The following SPTB variants were observed in gnomAD, a reference collection of about 807,000 sequenced individuals.
The protein encoded by SPTB is spectrin beta chain, erythrocytic.
In SPTB, 45 loss-of-function variants were observed where a neutral mutation model predicts 256.2. The observed-to-expected ratio is 0.18, with a 90% CI of 0.14 to 0.23. The LOEUF (loss-of-function observed/expected upper bound fraction) is 0.23, where lower values mean the gene tolerates loss of function less well. Ranked by LOEUF, SPTB falls within the 10% of genes least tolerant of loss-of-function variation. SPTB has a pLI of 1.00. For synonymous variants in SPTB, 1,231 were observed against 1,243.1 expected, an observed-to-expected ratio of 0.99 and a Z score of 0.21; for missense variants, 2,715 against 3,040.4, an observed-to-expected ratio of 0.89 and a Z score of 2.52.
In SPTB at chr14:64,753,644, C is replaced by T; in HGVS notation, c.6495G>A (p.Glu2165=). 2.5e-6 allele frequency: 4 copies of T among 1,613,706 alleles called. No individual in the cohort carries two copies. The highest frequency in any genetic ancestry group is 3.4e-6 in the Non-Finnish European group (4 of 1,180,038). ...CCCGCGGGGCCGGCAGCGTTGCGGG[C>T]TCATCACCCTCGCTCAGAGGCGTAT... ...VLDTPLSEGD[E]PATLPAPRDH... The change falls in exon 33 of 36, where the codon GAG becomes GAA. Residue 2165 remains glutamate (E), a synonymous_variant. Coordinates refer to ENST00000644917, the MANE Select transcript of SPTB (RefSeq NM_001355436.2).
intron 1 of SPTB, among the ~76,000 whole-genome samples, chr14:64,850,450 T>C (rs1257695177): frequency 7.2e-5 from 11 of 152,184 alleles, no homozygotes; most frequent in Non-Finnish European, 1.6e-4. Flanking sequence ...TGATAGTTCC[T>C]CCCATTACAT....
intron 1 of SPTB, among the ~76,000 whole-genome samples, chr14:64,834,987 T>C (rs1355182378): frequency 1.3e-5 from 2 of 152,216 alleles, no homozygotes; most frequent in Admixed American, 6.5e-5. Flanking sequence ...CTATAAATAA[T>C]ATATAAGTTA....
intron 1 of SPTB, among the ~76,000 whole-genome samples, chr14:64,830,876 C>T (rs1483206416): frequency 1.3e-5 from 2 of 152,190 alleles, no homozygotes; most frequent in South Asian, 2.1e-4. Flanking sequence ...GTGTCATGTG[C>T]CTTGACAACT....
In SPTB at chr14:64,782,405, C is replaced by T. The variant is rs757113392; in HGVS notation, c.4151G>A (p.Arg1384His). 1.5e-5 allele frequency: 25 copies of T among 1,614,148 alleles called. No individual in the cohort carries two copies. Among genetic ancestry groups the T allele is most frequent in the East Asian group, 6.7e-5 (3 of 44,886 alleles). ...GTTGAGGTCAGCATGGGTCTGCAAG[C>T]GCAGGTCGGAGCTCCTGGCAGCCGA... ...HLSAARSSDL[R>H]LQTHADLNKW... The change falls in exon 20 of 36, where the codon CGC becomes CAC. Residue 1384 changes from arginine (R) to histidine (H), a missense_variant. By Grantham distance (29) the Arg-to-His change is conservative. Coordinates refer to ENST00000644917, the MANE Select transcript of SPTB (RefSeq NM_001355436.2).
At position 64,753,554 on chromosome 14, in the gene SPTB, G is replaced by T. The variant is rs558224489; in HGVS notation, c.6585C>A (p.Asn2195Lys). Residue 2195 changes from asparagine to lysine, a missense_variant, in exon 33 of 36, where the codon AAC (asparagine) becomes AAA (lysine). Physicochemically the swap from Asn to Lys is moderately conservative, Grantham distance 94 (BLOSUM62 0). Around this residue, in one of 4 missense-constraint regions of SPTB, gnomAD observed 2,239 missense variants for 2,384.4 expected, o/e 0.94. Coordinates refer to ENST00000644917, the MANE Select transcript of SPTB (RefSeq NM_001355436.2). The part of the protein sequence containing the change: ...LGRKHDLEGP[N>K]KKASNRSWNN... Reference sequence around the variant, plus strand: ...GCACTCACCTGTTGGAAGCCTTCTTGTTGGGCCCCTCCAGGTCATGCTTGC... The same window carrying T: ...GCACTCACCTGTTGGAAGCCTTCTTTTTGGGCCCCTCCAGGTCATGCTTGC... 2 of 1,613,528 alleles carry T rather than the reference G, an allele frequency of 1.2e-6. No homozygotes were observed. Among genetic ancestry groups the T allele is most frequent in the East Asian group, 2.2e-5 (1 of 44,872 alleles).
intron 20 of SPTB, among the ~76,000 whole-genome samples, chr14:64,780,391 T>C (rs1224020871): frequency 2.0e-5 from 3 of 152,230 alleles, no homozygotes; most frequent in Non-Finnish European, 2.9e-5. Flanking sequence ...CTAATGACAT[T>C]CTTCAAAGAA....
intron 20 of SPTB, 84 bp from the exon 21 acceptor site, chr14:64,780,015 A>G: frequency 8.1e-7 from 1 of 1,229,712 alleles, no homozygotes; most frequent in South Asian, 1.2e-5. Context: ...CATCCCACCC[A>G]TCCTTTAAGG....
At chr14:64,857,569 C>A (rs979486876) in intron 1 of SPTB, among the ~76,000 whole-genome samples, 4 of 85,020 alleles carry the variant, frequency 4.7e-5, no homozygotes, top group African/African-American at 2.0e-4. Context: ...CAGAGCAAGA[C>A]ACTGCCTCAA....
Position 64,844,883 on chromosome 14 carries a change from T to C in SPTB, c.-51-21738A>G, listed in dbSNP as rs1408723733. Among the ~76,000 whole-genome samples the C allele has an allele frequency of 6.6e-6, 1 of 152,220 alleles. No homozygotes were observed. Among genetic ancestry groups the C allele is most frequent in the Non-Finnish European group, 1.5e-5 (1 of 68,034 alleles). On this transcript the variant is annotated intron_variant, in intron 1 of 35. Transcript: ENST00000644917. The surrounding 1 kb of genome is among the most constrained non-coding windows in gnomAD (Gnocchi z 4.1). ...TCCCATTCCCTTTGTGATCGCAGCA[T>C]GCAACTTTGGAGATGGAGAAGAAGA...
rs2082901524 is a variant in SPTB at position 64,802,287 on chromosome 14, C to T, written c.505G>A (p.Gly169Ser). The change falls in exon 5 of 36, where the codon GGT (glycine) becomes AGT (serine). Residue 169 changes from glycine to serine, a missense_variant. Gly to Ser is a moderately conservative substitution (Grantham distance 56). Coordinates refer to ENST00000644917, the MANE Select transcript of SPTB (RefSeq NM_001355436.2). This position sits in a 1 kb window ranked among gnomAD's most constrained non-coding sequence, Gnocchi z 5.1. ...TCCTTGGCTGAGCGTGTTTCACGACCTTCCTGAGTTTGGACCACAATGTCC... is the reference window on the plus strand; with the variant it reads ...TCCTTGGCTGAGCGTGTTTCACGACTTTCCTGAGTTTGGACCACAATGTCC... ...IQDIVVQTQE[G>S]RETRSAKDAL... 6.2e-7 allele frequency: 1 copy of T among 1,614,242 alleles called. No individual in the cohort carries two copies. Among genetic ancestry groups the T allele is most frequent in the Non-Finnish European group, 8.5e-7 (1 of 1,180,048 alleles).
intron 2 of SPTB, among the ~76,000 whole-genome samples, chr14:64,814,890 GT>G (rs533987806): frequency 2.6e-5 from 4 of 151,852 alleles, no homozygotes; most frequent in Non-Finnish European, 5.9e-5. Context: ...AAATCAAAAA[GT>G]TTTTTTTTAT....
At position 64,772,492 on chromosome 14, in the gene SPTB, G is replaced by A; in HGVS notation, c.5553+88C>T. On this transcript the variant is annotated intron_variant, in intron 26 of 35. Coordinates refer to ENST00000644917, the MANE Select transcript of SPTB (RefSeq NM_001355436.2). The surrounding 1 kb of genome is among the most constrained non-coding windows in gnomAD (Gnocchi z 5.4). ...GCAAAACCTCCTGGCACTTATCCTA[G>A]AGGTTTTCCTGCTGACAGCCAGGTG... 6.4e-7 allele frequency: 1 copy of A among 1,553,940 alleles called. No homozygotes were observed. The highest frequency in any genetic ancestry group is 8.7e-7 in the Non-Finnish European group (1 of 1,155,490).
intron 32 of SPTB, among the ~76,000 whole-genome samples, chr14:64,765,773 G>A (rs2082160674): frequency 1.3e-5 from 2 of 151,632 alleles, no homozygotes; most frequent in Admixed American, 1.3e-4. Flanking sequence ...GCCTGTGGTG[G>A]GGCAGGTGGG....
chr14:64,877,265 C>T (rs1009499829), intron 1 of SPTB, among the ~76,000 whole-genome samples: 4 of 151,930 alleles, frequency 2.6e-5, no homozygotes, highest in African/African-American at 9.7e-5. Flanking sequence ...AATAAATGCC[C>T]AATATTATCT....
rs374524900 is a variant in SPTB at position 64,751,244 on chromosome 14, C to T, written c.6603-1090G>A. On this transcript the variant is annotated intron_variant, in intron 33 of 35. Transcript: ENST00000644917. Reference sequence around the variant, plus strand: ...AAGCGATTTTCTTGCCTCAGCCTCCCGAGTAGCTGGGACTACAGGCGCAAG... The same window carrying T: ...AAGCGATTTTCTTGCCTCAGCCTCCTGAGTAGCTGGGACTACAGGCGCAAG... Among the ~76,000 whole-genome samples the T allele has an allele frequency of 1.0e-3, 157 of 151,814 alleles. No individual in the cohort carries two copies. In the East Asian group the frequency reaches 0.024, roughly 24 times the overall value.
rs765064687 is a variant in SPTB, at chr14:64,800,979, T to C, written c.764-111A>G. On this transcript the variant is annotated intron_variant, in intron 7 of 35. Coordinates refer to ENST00000644917, the MANE Select transcript of SPTB (RefSeq NM_001355436.2). ...ATCAAGTTCAACTACAGGCAGCAAG[T>C]GACAACCAACAGAGCAAGAATGGAA... 172 of 828,286 alleles carry C rather than the reference T, an allele frequency of 2.1e-4. 2 individuals are homozygous for C. The highest frequency in any genetic ancestry group is 3.3e-4 in the Non-Finnish European group (162 of 487,596). 51.3% of individuals were successfully genotyped at this position (828,286 alleles called of 1,614,324 possible).
rs776204514 is a variant in SPTB at position 64,825,324 on chromosome 14, C to T, written c.-51-2179G>A. ...ACACAGGATGCCCCATGATGCCAGA[C>T]CTGTGCCCAAGACCACCCTTGTGCC... On this transcript the variant is annotated intron_variant, in intron 1 of 35. Transcript: ENST00000644917. This position sits in a 1 kb window ranked among gnomAD's most constrained non-coding sequence, Gnocchi z 4.8. Among the ~76,000 whole-genome samples the T allele has an allele frequency of 2.0e-4, 31 of 152,218 alleles. No homozygotes were observed. The highest frequency in any genetic ancestry group is 4.0e-4 in the Non-Finnish European group (27 of 68,032).
chr14:64,862,685 C>G (rs1594854053), intron 1 of SPTB, among the ~76,000 whole-genome samples: 1 of 151,832 alleles, frequency 6.6e-6, no homozygotes, highest in African/African-American at 2.4e-5. Context: ...ACCAGCCTGG[C>G]CAACATGGTG....
At position 64,785,933 on chromosome 14, in the gene SPTB, A is replaced by G. The variant is rs201898123; in HGVS notation, c.3580T>C (p.Leu1194=). 51 of 1,614,072 alleles carry G rather than the reference A, an allele frequency of 3.2e-5. No homozygotes were observed. The highest frequency in any genetic ancestry group is 1.7e-4 in the Admixed American group (10 of 60,026). Residue 1194 remains leucine, a synonymous_variant, in exon 17 of 36, where the codon TTG becomes CTG. Coordinates refer to ENST00000644917, the MANE Select transcript of SPTB (RefSeq NM_001355436.2). The surrounding 1 kb of genome is among the most constrained non-coding windows in gnomAD (Gnocchi z 4.4). The part of the protein sequence containing the change: ...LSNQEYTLAH[L]EPPDSLEAAE... Reference sequence around the variant, plus strand: ...GCTTCCAGGGAGTCTGGGGGCTCCAAGTGAGCCAGAGTGTATTCCTGTTGG... The same window carrying G: ...GCTTCCAGGGAGTCTGGGGGCTCCAGGTGAGCCAGAGTGTATTCCTGTTGG...
Sources: allele counts gnomAD v4.1 joint callset (sites outside exome capture counted in the v4.1 genomes callset), GRCh38; gene constraint gnomAD v4.1.1; regional missense constraint gnomAD v4.1.1; non-coding constraint Gnocchi (gnomAD v3.1); transcripts MANE v1.5; gene names NCBI Gene and HGNC (gene_info 2026-07-23, HGNC 2026-07-21).